The following TRIM26 variants were observed in gnomAD, a reference collection of about 807,000 sequenced individuals.
TRIM26 encodes the protein tripartite motif containing 26, also known as tripartite motif-containing protein 26.
In TRIM26, 16 loss-of-function variants were observed where a neutral mutation model predicts 45.5. That is an observed-to-expected ratio of 0.35 (90% CI 0.24 to 0.53). The LOEUF (loss-of-function observed/expected upper bound fraction) is 0.53, where lower values mean the gene tolerates loss of function less well. Ranked by LOEUF, TRIM26 falls within the 20% of genes least tolerant of loss-of-function variation. The probability of loss-of-function intolerance (pLI) is 0.92; values close to 1 mark genes in which losing one functional copy is unlikely to be tolerated. For missense variants in TRIM26, 442 were observed against 691.1 expected, an observed-to-expected ratio of 0.64 and a Z score of 4.04; for synonymous variants, 273 against 290.4, an observed-to-expected ratio of 0.94 and a Z score of 0.61.
rs1775632820 is a variant in TRIM26 at position 30,189,854 on chromosome 6, A to G, written c.788+159T>C. The G allele has an allele frequency of 6.0e-6, 5 of 830,070 alleles. 1 individual carries two copies. Among genetic ancestry groups the G allele is most frequent in the South Asian group, 4.8e-5 (3 of 62,724 alleles). 51.4% of individuals were successfully genotyped at this position (830,070 alleles called of 1,614,324 possible). A position where few individuals can be genotyped will look rare whatever the true frequency, so the allele number is the denominator to read the frequency against. On this transcript the variant is annotated intron_variant, in intron 7 of 9. Coordinates refer to ENST00000454678, the MANE Select transcript of TRIM26 (RefSeq NM_003449.5). This position sits in a 1 kb window ranked among gnomAD's most constrained non-coding sequence, Gnocchi z 5.0. ...GAGGAGAGCAAGTCTCCAGTTCTCA[A>G]TGATGTGTCCTGCTCCTCAGAAGGG...
intron 2 of TRIM26, among the ~76,000 whole-genome samples, chr6:30,203,702 C>A (rs1226423218): frequency 6.6e-6 from 1 of 152,140 alleles, no homozygotes; most frequent in African/African-American, 2.4e-5. Context: ...CAGGTGTGAG[C>A]CACCGCGCCC....
intron 9 of TRIM26, chr6:30,188,477 C>T (rs114347475): frequency 0.033 from 8,921 of 271,194 alleles, 438 homozygotes; most frequent in African/African-American, 0.13. Context: ...TAAAATTTGA[C>T]GGTATTCACA....
chr6:30,193,082 ATATACATATATATGTATC>A (rs1562198705), intron 6 of TRIM26, among the ~76,000 whole-genome samples: 4 of 139,740 alleles, frequency 2.9e-5, no homozygotes, highest in East Asian at 2.0e-4. Context: ...ATATATGTAT[ATATACATATATATGTATC>A]TATATACATA....
chr6:30,208,904 A>ATCTGTGTGTG (rs71550189), intron 1 of TRIM26, among the ~76,000 whole-genome samples: 81 of 140,824 alleles, frequency 5.8e-4, no homozygotes, highest in East Asian at 1.1e-3. Context: ...GATATAGAAT[A>ATCTGTGTGTG]TGTGTGTGTG....
At chr6:30,194,236 G>A (rs1204157371) in intron 6 of TRIM26, among the ~76,000 whole-genome samples, 1 of 152,078 alleles carries the variant, frequency 6.6e-6, no homozygotes, top group Non-Finnish European at 1.5e-5. Flanking sequence ...TATACACAAT[G>A]GAGTACTATT....
intron 6 of TRIM26, among the ~76,000 whole-genome samples, chr6:30,194,002 T>A (rs1020384786): frequency 3.9e-5 from 6 of 152,212 alleles, no homozygotes; most frequent in African/African-American, 1.4e-4. Flanking sequence ...TACATATAAG[T>A]ATAGCCGTTA....
At position 30,198,531 on chromosome 6, in the gene TRIM26, A is replaced by C; in HGVS notation, c.439-7T>G. ...GGTGGTTCAGGATTTTTTCCTGTGGAAAAACAAGCAGTGGCAACAGGTGGA... is the reference window on the plus strand; with the variant it reads ...GGTGGTTCAGGATTTTTTCCTGTGGCAAAACAAGCAGTGGCAACAGGTGGA... On this transcript the variant is annotated splice_polypyrimidine_tract_variant and splice_region_variant and intron_variant, in intron 4 of 9. Coordinates refer to ENST00000454678, the MANE Select transcript of TRIM26 (RefSeq NM_003449.5). The surrounding 1 kb of genome is among the most constrained non-coding windows in gnomAD (Gnocchi z 6.3). The C allele has an allele frequency of 6.2e-7, 1 of 1,613,014 alleles. No individual in the cohort carries two copies. The highest frequency in any genetic ancestry group is 1.1e-5 in the South Asian group (1 of 91,076).
chr6:30,186,721 A>T lies in TRIM26; in HGVS notation c.938-163T>A. On this transcript the variant is annotated intron_variant, in intron 9 of 9. Coordinates refer to ENST00000454678, the MANE Select transcript of TRIM26 (RefSeq NM_003449.5). The surrounding 1 kb of genome is among the most constrained non-coding windows in gnomAD (Gnocchi z 7.4). ...CCTTAATTTGGTATAAGTGTGACAC[A>T]TTTTCTGGCTTTGTATTCTGCTAAA... is the stretch of plus-strand genomic sequence containing the variant. 1 of 1,072,208 alleles carries T rather than the reference A, an allele frequency of 9.3e-7. No homozygotes were observed. Among genetic ancestry groups the T allele is most frequent in the Non-Finnish European group, 1.3e-6 (1 of 762,022 alleles). The allele number at this position is 1,072,208 out of a possible 1,614,324, so 66.4% of individuals were successfully genotyped here.
At chr6:30,199,378 A>G in intron 3 of TRIM26, 114 bp from the exon 4 acceptor site, 1 of 408,722 alleles carries the variant, frequency 2.4e-6, no homozygotes, top group Admixed American at 4.0e-5. Context: ...TAGAGTGAAG[A>G]GCAGGACAGC....
intron 6 of TRIM26, among the ~76,000 whole-genome samples, chr6:30,194,782 G>A (rs964543314): frequency 2.6e-5 from 4 of 152,150 alleles, no homozygotes; most frequent in African/African-American, 7.2e-5. Flanking sequence ...TTGAACCCAG[G>A]AGACAGAGGT....
At position 30,209,357 on chromosome 6, in the gene TRIM26, G is replaced by A. The variant is rs753793067; in HGVS notation, c.-376+3948C>T. The stretch of plus-strand genomic sequence containing the variant: ...AAGGGCACATAAAAGATTTGGTGGT[G>A]CTGTGGTTTGAACATGTCCCCCAAA... On this transcript the variant is annotated intron_variant, in intron 1 of 9. Coordinates refer to ENST00000454678, the MANE Select transcript of TRIM26 (RefSeq NM_003449.5). The surrounding 1 kb of genome is among the most constrained non-coding windows in gnomAD (Gnocchi z 4.8). 6.6e-6 allele frequency among the ~76,000 whole-genome samples: 1 copy of A among 152,166 alleles called. No homozygotes were observed. Among genetic ancestry groups the A allele is most frequent in the Non-Finnish European group, 1.5e-5 (1 of 68,026 alleles).
chr6:30,188,368 G>A (rs901759880), intron 9 of TRIM26: 4 of 428,876 alleles, frequency 9.3e-6, no homozygotes, highest in South Asian at 6.9e-5. Flanking sequence ...AGCCTGCTCT[G>A]TAAGATGGTT....
chr6:30,195,763 A>T (rs1294274199), intron 6 of TRIM26, among the ~76,000 whole-genome samples: 1 of 152,134 alleles, frequency 6.6e-6, no homozygotes, highest in Non-Finnish European at 1.5e-5. Flanking sequence ...AAGTGGGGGA[A>T]TACCATCAGA....
At chr6:30,195,468 G>T (rs1776365459) in intron 6 of TRIM26, among the ~76,000 whole-genome samples, 1 of 152,074 alleles carries the variant, frequency 6.6e-6, no homozygotes, top group Non-Finnish European at 1.5e-5. Context: ...CCATGGCCTG[G>T]GACAAACTCC....
chr6:30,195,589 T>G (rs1776375734), intron 6 of TRIM26, among the ~76,000 whole-genome samples: 1 of 152,170 alleles, frequency 6.6e-6, no homozygotes, highest in African/African-American at 2.4e-5. Context: ...GAGGAGCAGG[T>G]GGCCGCCTCC....
At position 30,207,135 on chromosome 6, in the gene TRIM26, G is replaced by A. The variant is rs191649505; in HGVS notation, c.-375-2370C>T. Among the ~76,000 whole-genome samples, 2 of 152,336 alleles carry A rather than the reference G, an allele frequency of 1.3e-5. No individual in the cohort carries two copies. Among genetic ancestry groups the A allele is most frequent in the Non-Finnish European group, 2.9e-5 (2 of 68,032 alleles). Reference sequence around the variant, plus strand: ...GGCCACAGGTGGAGTGCAGTGAGGCGAGCAGAGGAAGGGTGGAGAAACAGG... The same window carrying A: ...GGCCACAGGTGGAGTGCAGTGAGGCAAGCAGAGGAAGGGTGGAGAAACAGG... On this transcript the variant is annotated intron_variant, in intron 1 of 9. Transcript: ENST00000454678. The surrounding 1 kb of genome is among the most constrained non-coding windows in gnomAD (Gnocchi z 4.9).
intron 1 of TRIM26, among the ~76,000 whole-genome samples, chr6:30,211,817 T>C (rs1778315373): frequency 6.6e-6 from 1 of 151,240 alleles, no homozygotes; most frequent in Non-Finnish European, 1.5e-5. Context: ...TCCCTGAGTC[T>C]ACACTGAAAT....
intron 3 of TRIM26, among the ~76,000 whole-genome samples, chr6:30,200,524 A>G (rs11758350): frequency 0.035 from 5,380 of 152,310 alleles, 164 homozygotes; most frequent in Middle Eastern, 0.1. Flanking sequence ...TCTTGGCTGT[A>G]ACTGCCTCGT....
chr6:30,193,158 G>A (rs28360968), intron 6 of TRIM26, among the ~76,000 whole-genome samples: 3,318 of 29,824 alleles, frequency 0.11, 149 homozygotes, highest in South Asian at 0.14. Context: ...GTGTGTGTGT[G>A]TGTGTATATA....
Sources: allele counts gnomAD v4.1 joint callset (sites outside exome capture counted in the v4.1 genomes callset), GRCh38; gene constraint gnomAD v4.1.1; non-coding constraint Gnocchi (gnomAD v3.1); transcripts MANE v1.5; gene names NCBI Gene and HGNC (gene_info 2026-07-23, HGNC 2026-07-21).